The following PCDHGA10 variants were observed in gnomAD, a reference collection of about 807,000 sequenced individuals.
PCDHGA10 encodes the protein protocadherin gamma-A10.
Under a neutral mutation model 59.5 loss-of-function variants are expected in PCDHGA10, and 42 were observed. The observed-to-expected ratio is 0.71, with a 90% CI of 0.55 to 0.91. The LOEUF (loss-of-function observed/expected upper bound fraction) is 0.91. Ranked by LOEUF, PCDHGA10 falls within the 40% of genes least tolerant of loss-of-function variation. PCDHGA10 has a pLI of 0.00. For synonymous variants in PCDHGA10, 511 were observed against 517.2 expected (o/e 0.99, Z 0.16); for missense variants, 1,111 against 1,198.2 (o/e 0.93, Z 1.07).
At chr5:141,475,571 G>A (rs1426547386) in intron 1 of PCDHGA10, among the ~76,000 whole-genome samples, 1 of 152,212 alleles carries the variant, frequency 6.6e-6, no homozygotes, top group East Asian at 1.9e-4. Context: ...CTTCCAACAA[G>A]CCAGATTTGT....
intron 1 of PCDHGA10, among the ~76,000 whole-genome samples, chr5:141,445,778 T>G (rs1045010487): frequency 6.6e-6 from 1 of 152,190 alleles, no homozygotes; most frequent in East Asian, 1.9e-4. Context: ...TTAAAAGGGC[T>G]AGGGAGGCTA....
intron 1 of PCDHGA10, chr5:141,478,109 T>G: frequency 1.2e-6 from 2 of 1,614,086 alleles, no homozygotes; most frequent in Non-Finnish European, 8.5e-7. Flanking sequence ...CCTCACTGTG[T>G]CAGTAACCGA....
chr5:141,421,578 T>G, intron 1 of PCDHGA10: 1 of 1,613,886 alleles, frequency 6.2e-7, no homozygotes, highest in Non-Finnish European at 8.5e-7. Flanking sequence ...CCTTGAAGAT[T>G]TACGGAGTGG....
Position 141,491,737 on chromosome 5 carries a change from G to C in PCDHGA10, c.2437-3070G>C, listed in dbSNP as rs548808722. 1.2e-6 allele frequency: 2 copies of C among 1,600,586 alleles called. No homozygotes were observed. The highest frequency in any genetic ancestry group is 2.7e-5 in the African/African-American group (2 of 74,486). On this transcript the variant is annotated intron_variant, in intron 1 of 3. Transcript: ENST00000398610. The surrounding 1 kb of genome is among the most constrained non-coding windows in gnomAD (Gnocchi z 6.9). ...GGCGCCGCCCCGGGCGACCCCTGGG[G>C]GCGGCACTGGAGAAGCCGCCCGTCC...
At chr5:141,453,001 G>C (rs1225973632) in intron 1 of PCDHGA10, among the ~76,000 whole-genome samples, 3 of 152,168 alleles carry the variant, frequency 2.0e-5, no homozygotes, top group African/African-American at 7.2e-5. Flanking sequence ...AAAGTTACCT[G>C]TAGTATAGTT....
In PCDHGA10 at chr5:141,490,682, C is replaced by T. The variant is rs1286126848; in HGVS notation, c.2437-4125C>T. On this transcript the variant is annotated intron_variant, in intron 1 of 3. Coordinates refer to ENST00000398610, the MANE Select transcript of PCDHGA10 (RefSeq NM_018913.3). The surrounding 1 kb of genome is among the most constrained non-coding windows in gnomAD (Gnocchi z 5.4). ...CTTTGCACTGTGGCTGCCTCAGATC[C>T]AGACACTGGGGATAATGCCCGCCTC... 10 of 1,614,054 alleles carry T rather than the reference C, an allele frequency of 6.2e-6. No homozygotes were observed. The highest frequency in any genetic ancestry group is 3.3e-5 in the Admixed American group (2 of 60,008).
intron 1 of PCDHGA10, chr5:141,418,422 G>A: frequency 6.2e-7 from 1 of 1,613,996 alleles, no homozygotes; most frequent in East Asian, 2.2e-5. Context: ...AATCCTGATG[G>A]TGGCAAATAT....
chr5:141,448,118 G>A (rs1356488538), intron 1 of PCDHGA10, among the ~76,000 whole-genome samples: 1 of 151,534 alleles, frequency 6.6e-6, no homozygotes, highest in East Asian at 1.9e-4. Flanking sequence ...AAGAAAATTA[G>A]CCTCCCCCAC....
intron 1 of PCDHGA10, chr5:141,419,472 G>A (rs1392935171): frequency 6.2e-7 from 1 of 1,612,330 alleles, no homozygotes; most frequent in Non-Finnish European, 8.5e-7. Flanking sequence ...CGCGACCAGG[G>A]CTCGCCCGCG....
chr5:141,432,287 G>T lies in PCDHGA10; in HGVS notation c.2436+16676G>T. 1 of 1,614,216 alleles carries T rather than the reference G, an allele frequency of 6.2e-7. No individual in the cohort carries two copies. The highest frequency in any genetic ancestry group is 8.5e-7 in the Non-Finnish European group (1 of 1,180,030). On this transcript the variant is annotated intron_variant, in intron 1 of 3. Coordinates refer to ENST00000398610, the MANE Select transcript of PCDHGA10 (RefSeq NM_018913.3). This position sits in a 1 kb window ranked among gnomAD's most constrained non-coding sequence, Gnocchi z 6.0. ...ATCGTCCTACGTGTCCATCAACTCC[G>T]ACACTGGGGTACTGTATGCGCTGAG...
rs1408454981 is a variant in PCDHGA10, at chr5:141,489,682, T to C, written c.2437-5125T>C. The C allele has an allele frequency of 6.2e-7, 1 of 1,614,184 alleles. No individual in the cohort carries two copies. The highest frequency in any genetic ancestry group is 8.5e-7 in the Non-Finnish European group (1 of 1,180,024). On this transcript the variant is annotated intron_variant, in intron 1 of 3. Transcript: ENST00000398610. This position sits in a 1 kb window ranked among gnomAD's most constrained non-coding sequence, Gnocchi z 4.5. ...GATGCGCATCTCAGAATCAGCAGCATCTGGGGCACGATTCCCACTGGACAG... is the reference window on the plus strand; with the variant it reads ...GATGCGCATCTCAGAATCAGCAGCACCTGGGGCACGATTCCCACTGGACAG...
rs776773140 is a variant in PCDHGA10, at chr5:141,476,589, G to A, written c.2437-18218G>A. 5 of 1,614,246 alleles carry A rather than the reference G, an allele frequency of 3.1e-6. No individual in the cohort carries two copies. Among genetic ancestry groups the A allele is most frequent in the Non-Finnish European group, 4.2e-6 (5 of 1,180,046 alleles). On this transcript the variant is annotated intron_variant, in intron 1 of 3. Coordinates refer to ENST00000398610, the MANE Select transcript of PCDHGA10 (RefSeq NM_018913.3). This position sits in a 1 kb window ranked among gnomAD's most constrained non-coding sequence, Gnocchi z 7.6. ...CCGGGGACGCGCTTTCCGCTCGAGA[G>A]CGCGCACGATCCCGATGTGGGAAGC...
At chr5:141,502,907 G>C (rs1335363561) in intron 2 of PCDHGA10, among the ~76,000 whole-genome samples, 2 of 138,924 alleles carry the variant, frequency 1.4e-5, no homozygotes, top group Non-Finnish European at 3.0e-5. Context: ...CTGTTGCCAG[G>C]CTGGAGTGCA....
chr5:141,470,016 C>T (rs116065751), intron 1 of PCDHGA10, among the ~76,000 whole-genome samples: 69 of 152,264 alleles, frequency 4.5e-4, no homozygotes, highest in Non-Finnish European at 7.2e-4. Flanking sequence ...GTAATCCCAG[C>T]TACTCGGGAT....
chr5:141,477,157 C>G lies in PCDHGA10; in HGVS notation c.2437-17650C>G. ...TGGTGGAGGTTGTGGATGTGAATGA[C>G]AACGCCCCGGAGATCACAGTCACCT... is the stretch of plus-strand genomic sequence containing the variant. On this transcript the variant is annotated intron_variant, in intron 1 of 3. Transcript: ENST00000398610. This position sits in a 1 kb window ranked among gnomAD's most constrained non-coding sequence, Gnocchi z 4.9. 1 of 1,614,182 alleles carries G rather than the reference C, an allele frequency of 6.2e-7. No individual in the cohort carries two copies. Among genetic ancestry groups the G allele is most frequent in the Non-Finnish European group, 8.5e-7 (1 of 1,180,038 alleles).
In PCDHGA10 at chr5:141,450,775, C is replaced by T. The variant is rs561501224; in HGVS notation, c.2436+35164C>T. ...GTGCCGGGATTACAGGCATGAGCCA[C>T]CGTGCCCGGACCTCATGATTGTATT... On this transcript the variant is annotated intron_variant, in intron 1 of 3. Coordinates refer to ENST00000398610, the MANE Select transcript of PCDHGA10 (RefSeq NM_018913.3). Among the ~76,000 whole-genome samples the T allele has an allele frequency of 2.3e-3, 352 of 151,748 alleles. 1 individual carries two copies. The highest frequency in any genetic ancestry group is 4.5e-3 in the Non-Finnish European group (306 of 67,958).
rs759220286 is a variant in PCDHGA10 at position 141,490,018 on chromosome 5, C to G, written c.2437-4789C>G. The G allele has an allele frequency of 6.2e-7, 1 of 1,614,252 alleles. No individual in the cohort carries two copies. Among genetic ancestry groups the G allele is most frequent in the Non-Finnish European group, 8.5e-7 (1 of 1,180,038 alleles). ...CCCAGAGAATGCACCCATTGGTACTCTGCTGCTCCGCCTCAATGCCACTGA... is the reference window on the plus strand; with the variant it reads ...CCCAGAGAATGCACCCATTGGTACTGTGCTGCTCCGCCTCAATGCCACTGA... On this transcript the variant is annotated intron_variant, in intron 1 of 3. Transcript: ENST00000398610. This position sits in a 1 kb window ranked among gnomAD's most constrained non-coding sequence, Gnocchi z 5.4.
intron 2 of PCDHGA10, among the ~76,000 whole-genome samples, chr5:141,496,334 G>T (rs959266723): frequency 2.6e-5 from 4 of 152,240 alleles, no homozygotes; most frequent in Admixed American, 6.5e-5. Context: ...GAAGTCAGGA[G>T]CCTGGAGGAG....
Position 141,485,036 on chromosome 5 carries a change from C to A in PCDHGA10, c.2437-9771C>A. ...CGCCACCAGCAAAAACGGCGCGTAA[C>A]CCTTGCGGCGCCGGCCGAACCGCGC... On this transcript the variant is annotated intron_variant, in intron 1 of 3. Coordinates refer to ENST00000398610, the MANE Select transcript of PCDHGA10 (RefSeq NM_018913.3). The surrounding 1 kb of genome is among the most constrained non-coding windows in gnomAD (Gnocchi z 5.7). 1 of 698,458 alleles carries A rather than the reference C, an allele frequency of 1.4e-6. No individual in the cohort carries two copies. The highest frequency in any genetic ancestry group is 2.5e-6 in the Non-Finnish European group (1 of 399,316). The allele number at this position is 698,458 out of a possible 1,614,324, so 43.3% of individuals were successfully genotyped here. A position where few individuals can be genotyped will look rare whatever the true frequency, so the allele number is the denominator to read the frequency against.
Sources: allele counts gnomAD v4.1 joint callset (sites outside exome capture counted in the v4.1 genomes callset), GRCh38; gene constraint gnomAD v4.1.1; non-coding constraint Gnocchi (gnomAD v3.1); transcripts MANE v1.5; gene names NCBI Gene and HGNC (gene_info 2026-07-23, HGNC 2026-07-21).